The following DPP9 variants were observed in gnomAD, a reference collection of about 807,000 sequenced individuals.
DPP9 encodes the protein dipeptidyl peptidase 9, also known as dipeptidyl peptidase IV-related protein-2.
DPP9 carries 50 observed loss-of-function variants against 110.7 expected under a neutral mutation model. The ratio of observed to expected loss-of-function variants is 0.45; its 90% CI spans 0.36 to 0.57. The LOEUF is 0.57. Among genes scored for constraint, DPP9 ranks in the 20% least tolerant of loss-of-function variants. The pLI is 0.00. For missense variants in DPP9, 1,022 were observed against 1,217.9 expected, an observed-to-expected ratio of 0.84 and a Z score of 2.39; for synonymous variants, 561 against 514.4, an observed-to-expected ratio of 1.09 and a Z score of -1.23.
chr19:4,698,157 C>G lies in DPP9; in HGVS notation c.1075-506G>C, dbSNP rs978180250. ...ACCCAAAGGCTCTGGTCTGGGCTGT[C>G]CCTTAGAGCCAGGTGGCTCTGGGCA... On this transcript the variant is annotated intron_variant, in intron 10 of 21. Transcript: ENST00000262960. The surrounding 1 kb of genome is among the most constrained non-coding windows in gnomAD (Gnocchi z 4.2). Among the ~76,000 whole-genome samples the G allele has an allele frequency of 2.0e-5, 3 of 152,226 alleles. No homozygotes were observed. Among genetic ancestry groups the G allele is most frequent in the Non-Finnish European group, 2.9e-5 (2 of 68,040 alleles).
At position 4,710,846 on chromosome 19, in the gene DPP9, G is replaced by A. The variant is rs1185591433; in HGVS notation, c.313+3235C>T. Among the ~76,000 whole-genome samples, 1 of 152,140 alleles carries A rather than the reference G, an allele frequency of 6.6e-6. No homozygotes were observed. Among genetic ancestry groups the A allele is most frequent in the South Asian group, 2.1e-4 (1 of 4,818 alleles). On this transcript the variant is annotated intron_variant, in intron 4 of 21. Transcript: ENST00000262960. The surrounding 1 kb of genome is among the most constrained non-coding windows in gnomAD (Gnocchi z 5.6). ...CCCCGAAAGGGGCAGTCTGGTTTTT[G>A]AGCTACTCTAGGTACGTTCTGGGGT...
Position 4,700,164 on chromosome 19 carries a change from C to T in DPP9, c.1074+52G>A. The T allele has an allele frequency of 1.4e-6, 2 of 1,432,976 alleles. No individual in the cohort carries two copies. Among genetic ancestry groups the T allele is most frequent in the South Asian group, 1.4e-5 (1 of 71,438 alleles). The allele number at this position is 1,432,976 out of a possible 1,614,324, so 88.8% of individuals were successfully genotyped here. A position where few individuals can be genotyped will look rare whatever the true frequency, so the allele number is the denominator to read the frequency against. On this transcript the variant is annotated intron_variant, in intron 10 of 21. Coordinates refer to ENST00000262960, the MANE Select transcript of DPP9 (RefSeq NM_139159.5). This position sits in a 1 kb window ranked among gnomAD's most constrained non-coding sequence, Gnocchi z 4.3. ...CCCATCCACCCAGCTGCCTACCCGG[C>T]CCTTCCCCGCATCATCTAGTAGATT...
Position 4,676,704 on chromosome 19 carries a change from C to A in DPP9, c.2587-48G>T. On this transcript the variant is annotated intron_variant, in intron 21 of 21. Coordinates refer to ENST00000262960, the MANE Select transcript of DPP9 (RefSeq NM_139159.5). The surrounding 1 kb of genome is among the most constrained non-coding windows in gnomAD (Gnocchi z 4.0). ...GCTGGGGGGCGTGGCCGGACCACCC[C>A]CGTGTCCTAGGCTCCTCCCTTATTC... The A allele has an allele frequency of 6.7e-7, 1 of 1,485,950 alleles. No individual in the cohort carries two copies. Among genetic ancestry groups the A allele is most frequent in the Non-Finnish European group, 9.2e-7 (1 of 1,086,536 alleles). The allele number at this position is 1,485,950 out of a possible 1,614,324, so 92.0% of individuals were successfully genotyped here.
Position 4,704,088 on chromosome 19 carries a change from G to A in DPP9, c.601-34C>T. 1 of 1,613,526 alleles carries A rather than the reference G, an allele frequency of 6.2e-7. No individual in the cohort carries two copies. On this transcript the variant is annotated intron_variant, in intron 6 of 21. Transcript: ENST00000262960. This position sits in a 1 kb window ranked among gnomAD's most constrained non-coding sequence, Gnocchi z 6.0. ...AGAGACGCCCAGCTCAGGGGGAGGG[G>A]CCCTCCACGCCACCCCCGCACACAG...
Position 4,689,816 on chromosome 19 carries a change from C to T in DPP9, c.1597-94G>A, listed in dbSNP as rs566051396. On this transcript the variant is annotated intron_variant, in intron 14 of 21. Transcript: ENST00000262960. The surrounding 1 kb of genome is among the most constrained non-coding windows in gnomAD (Gnocchi z 7.0). Reference sequence around the variant, plus strand: ...CCACAGGAGTGGGCCCCATGTTCCTCGGACTGGGGACGCATGCTGTCCTCG... The same window carrying T: ...CCACAGGAGTGGGCCCCATGTTCCTTGGACTGGGGACGCATGCTGTCCTCG... The T allele has an allele frequency of 3.1e-5, 42 of 1,345,932 alleles. No homozygotes were observed. The East Asian group carries it at 6.3e-4, about 20-fold the overall frequency. 83.4% of individuals were successfully genotyped at this position (1,345,932 alleles called of 1,614,324 possible).
In DPP9 at chr19:4,684,509, C is replaced by T. The variant is rs2145407552; in HGVS notation, c.2178+154G>A. 8.6e-6 allele frequency: 7 copies of T among 814,980 alleles called. No individual in the cohort carries two copies. The South Asian group carries it at 1.3e-4, about 15-fold the overall frequency. 50.5% of individuals were successfully genotyped at this position (814,980 alleles called of 1,614,324 possible). A position where few individuals can be genotyped will look rare whatever the true frequency, so the allele number is the denominator to read the frequency against. On this transcript the variant is annotated intron_variant, in intron 18 of 21. Coordinates refer to ENST00000262960, the MANE Select transcript of DPP9 (RefSeq NM_139159.5). This position sits in a 1 kb window ranked among gnomAD's most constrained non-coding sequence, Gnocchi z 4.8. ...AGCAAAGCATACATCCCCTTTTGTT[C>T]TAAAAGGGCGCCTCATTGAGCCTGC...
In DPP9 at chr19:4,719,681, C is replaced by G. The variant is rs917159195; in HGVS notation, c.56+170G>C. On this transcript the variant is annotated intron_variant, in intron 3 of 21. Coordinates refer to ENST00000262960, the MANE Select transcript of DPP9 (RefSeq NM_139159.5). ...GTCCACAGTGCCGAGGGGGAGACCCCGCACTACGCCACACTGCCTCCTCGC... is the reference window on the plus strand; with the variant it reads ...GTCCACAGTGCCGAGGGGGAGACCCGGCACTACGCCACACTGCCTCCTCGC... 2.6e-6 allele frequency: 2 copies of G among 770,886 alleles called. 1 individual carries two copies. The highest frequency in any genetic ancestry group is 4.7e-5 in the Admixed American group (2 of 42,838). The allele number at this position is 770,886 out of a possible 1,614,324, so 47.8% of individuals were successfully genotyped here. A position where few individuals can be genotyped will look rare whatever the true frequency, so the allele number is the denominator to read the frequency against.
rs2093195234 is a variant in DPP9, at chr19:4,718,916, G to A, written c.56+935C>T. 2.0e-5 allele frequency among the ~76,000 whole-genome samples: 3 copies of A among 152,224 alleles called. No individual in the cohort carries two copies. In the East Asian group the frequency reaches 5.8e-4, roughly 29 times the overall value. On this transcript the variant is annotated intron_variant, in intron 3 of 21. Coordinates refer to ENST00000262960, the MANE Select transcript of DPP9 (RefSeq NM_139159.5). The surrounding 1 kb of genome is among the most constrained non-coding windows in gnomAD (Gnocchi z 4.3). Reference sequence around the variant, plus strand: ...TTCGCAGGGTCGAGGAATTCCTACCGCCTTTTCATCTCGTGCCAGGCCCTG... The same window carrying A: ...TTCGCAGGGTCGAGGAATTCCTACCACCTTTTCATCTCGTGCCAGGCCCTG...
chr19:4,705,066 C>T (rs1225466152), intron 5 of DPP9, among the ~76,000 whole-genome samples: 2 of 152,070 alleles, frequency 1.3e-5, no homozygotes, highest in Non-Finnish European at 2.9e-5. Flanking sequence ...AACACAAGGA[C>T]ACTGGCTTGG....
At chr19:4,691,523 G>T (rs1162000406) in intron 13 of DPP9, among the ~76,000 whole-genome samples, 1 of 150,456 alleles carries the variant, frequency 6.6e-6, no homozygotes, top group Non-Finnish European at 1.5e-5. Flanking sequence ...CAGGAATCTG[G>T]ATTTTCATTG....
chr19:4,703,687 A>G (rs2092429814), intron 7 of DPP9, among the ~76,000 whole-genome samples, 199 bp downstream of exon 7: 1 of 151,520 alleles, frequency 6.6e-6, no homozygotes, highest in South Asian at 2.1e-4. Flanking sequence ...AAAAAAAAGA[A>G]AGAAAGAAAG....
At position 4,695,270 on chromosome 19, in the gene DPP9, A is replaced by G. The variant is rs2091693846; in HGVS notation, c.1353+108T>C. On this transcript the variant is annotated intron_variant, in intron 12 of 21. Transcript: ENST00000262960. This position sits in a 1 kb window ranked among gnomAD's most constrained non-coding sequence, Gnocchi z 4.7. ...AGGCCTGAGCTCACTTCTCCACACA[A>G]GGGCAAACACCACCTGCCATTGGCG... 1.6e-6 allele frequency: 2 copies of G among 1,258,974 alleles called. No homozygotes were observed. Among genetic ancestry groups the G allele is most frequent in the Non-Finnish European group, 2.1e-6 (2 of 931,388 alleles). 78.0% of individuals were successfully genotyped at this position (1,258,974 alleles called of 1,614,324 possible).
At chr19:4,721,578 C>A (rs912580808) in intron 2 of DPP9, among the ~76,000 whole-genome samples, 1 of 152,152 alleles carries the variant, frequency 6.6e-6, no homozygotes, top group Non-Finnish European at 1.5e-5. Flanking sequence ...GTCTGGAGTT[C>A]GAGACCAGCC....
intron 9 of DPP9, 85 bp downstream of exon 9, chr19:4,701,942 G>A: frequency 6.5e-7 from 1 of 1,536,058 alleles, no homozygotes; most frequent in Non-Finnish European, 8.8e-7. Context: ...CAGCTCAGAG[G>A]GCCTGGGGGA....
chr19:4,706,083 G>GGCC, intron 4 of DPP9, 113 bp from the exon 5 acceptor site: 1 of 900,730 alleles, frequency 1.1e-6, no homozygotes, highest in South Asian at 1.7e-5. Context: ...CATTCTGCCA[G>GGCC]GCCGCCGGCG....
Position 4,688,787 on chromosome 19 carries a change from G to A in DPP9, c.1855C>T (p.Arg619Cys), listed in dbSNP as rs369048539. ...PDDDPLHKQP[R>C]FWASMMEAAS... ...GCCTCCATCATGCTAGCCCAGAAGC[G>A]GGGCTGCTTGTGCAGGGGGTCGTCG... is the stretch of plus-strand genomic sequence containing the variant. Residue 619 changes from arginine to cysteine, a missense_variant, in exon 16 of 22, where the codon CGC (arginine) becomes TGC (cysteine). Arg to Cys is a radical substitution (Grantham distance 180, BLOSUM62 -3). This residue lies in a region of DPP9 where 810 missense variants were observed against 920.6 expected (regional missense o/e 0.88). Coordinates refer to ENST00000262960, the MANE Select transcript of DPP9 (RefSeq NM_139159.5). 2.3e-5 allele frequency: 34 copies of A among 1,469,582 alleles called. No homozygotes were observed. Among genetic ancestry groups the A allele is most frequent in the South Asian group, 7.3e-5 (5 of 68,906 alleles). 91.0% of individuals were successfully genotyped at this position (1,469,582 alleles called of 1,614,324 possible).
chr19:4,690,871 C>G lies in DPP9; in HGVS notation c.1596+7G>C. ...AGCAGGGGAAGGCTGCAAGGAGACC[C>G]TGGTACCTTGGAGCCGTGCCTCGCC... is the stretch of plus-strand genomic sequence containing the variant. On this transcript the variant is annotated splice_region_variant and intron_variant, in intron 14 of 21. Transcript: ENST00000262960. The G allele has an allele frequency of 1.2e-6, 2 of 1,610,992 alleles. No individual in the cohort carries two copies. The highest frequency in any genetic ancestry group is 1.7e-6 in the Non-Finnish European group (2 of 1,178,262).
At chr19:4,696,900 G>T (rs551225809) in intron 11 of DPP9, among the ~76,000 whole-genome samples, 1 of 152,252 alleles carries the variant, frequency 6.6e-6, no homozygotes, top group Non-Finnish European at 1.5e-5. Context: ...AGGCTAAGAG[G>T]CATAGGAATG....
At chr19:4,691,175 G>A (rs2145537795) in intron 13 of DPP9, among the ~76,000 whole-genome samples, 1 of 152,266 alleles carries the variant, frequency 6.6e-6, no homozygotes, top group East Asian at 1.9e-4. Context: ...GGCAGGCCCA[G>A]TGTTTCCCAC....
Sources: allele counts gnomAD v4.1 joint callset (sites outside exome capture counted in the v4.1 genomes callset), GRCh38; gene constraint gnomAD v4.1.1; regional missense constraint gnomAD v4.1.1; non-coding constraint Gnocchi (gnomAD v3.1); transcripts MANE v1.5; gene names NCBI Gene and HGNC (gene_info 2026-07-23, HGNC 2026-07-21).